The following ANKRD31 variants were observed in gnomAD, a reference collection of about 807,000 sequenced individuals.
The protein encoded by ANKRD31 is ankyrin repeat domain 31.
A neutral mutation model predicts 186.0 loss-of-function variants in ANKRD31; 147 were observed. The ratio of observed to expected loss-of-function variants is 0.79; its 90% CI spans 0.69 to 0.91. ANKRD31 has a LOEUF of 0.91. ANKRD31 is among the 40% of genes least tolerant of loss of function. ANKRD31 has a pLI of 0.00. For synonymous variants in ANKRD31, 673 were observed against 736.4 expected, an observed-to-expected ratio of 0.91 and a Z score of 1.39; for missense variants, 1,986 against 2,148.8, an observed-to-expected ratio of 0.92 and a Z score of 1.50.
chr5:75,166,343 T>C (rs1303809839), intron 11 of ANKRD31, among the ~76,000 whole-genome samples: 1 of 152,014 alleles, frequency 6.6e-6, no homozygotes. Flanking sequence ...TGGTGATACA[T>C]GCCTGCAATC....
chr5:75,185,387 G>C (rs1179050885), intron 10 of ANKRD31, among the ~76,000 whole-genome samples: 3 of 152,108 alleles, frequency 2.0e-5, no homozygotes, highest in Non-Finnish European at 1.5e-5. Context: ...GTGAAACCCT[G>C]TCTCTACTAA....
At chr5:75,105,323 T>A (rs1212997178) in intron 21 of ANKRD31, 105 bp from the exon 22 acceptor site, 3 of 1,233,488 alleles carry the variant, frequency 2.4e-6, no homozygotes, top group Non-Finnish European at 3.2e-6. Flanking sequence ...TTAATCACTT[T>A]AAAATACACA....
At chr5:75,200,403 T>C (rs569908884) in intron 5 of ANKRD31, among the ~76,000 whole-genome samples, 147 of 151,866 alleles carry the variant, frequency 9.7e-4, no homozygotes, top group Non-Finnish European at 1.6e-3. Flanking sequence ...GTTCAAGTGA[T>C]TCTCCTGCCT....
chr5:75,147,133 T>G lies in ANKRD31; in HGVS notation c.2278A>C (p.Asn760His). 4 of 1,536,362 alleles carry G rather than the reference T, an allele frequency of 2.6e-6. No homozygotes were observed. The highest frequency in any genetic ancestry group is 3.5e-6 in the Non-Finnish European group (4 of 1,146,334). ...ILAVSPSRRI[N>H]RLVTYQQHIP... is the part of the protein sequence containing the mutation. The stretch of plus-strand genomic sequence containing the variant: ...TGCTGCTGATAGGTAACCAATCTGT[T>G]TATTCTCCTGGAAGGAGAGACAGCT... The change falls in exon 14 of 26, where the codon AAC becomes CAC. Residue 760 changes from asparagine (N) to histidine (H), a missense_variant. Physicochemically the swap from Asn to His is moderately conservative, Grantham distance 68. Coordinates refer to ENST00000506364, the MANE Select transcript of ANKRD31 (RefSeq NM_001372053.1).
intron 10 of ANKRD31, among the ~76,000 whole-genome samples, chr5:75,184,618 C>G (rs1409222345): frequency 6.6e-6 from 1 of 152,000 alleles, no homozygotes; most frequent in African/African-American, 2.4e-5. Flanking sequence ...AAAAAAAGTG[C>G]TCAACATCAC....
At chr5:75,132,448 G>A (rs938218765) in intron 17 of ANKRD31, among the ~76,000 whole-genome samples, 3 of 152,110 alleles carry the variant, frequency 2.0e-5, no homozygotes, top group Non-Finnish European at 2.9e-5. Flanking sequence ...GAACTGAAGC[G>A]AGAAGAGAAG....
Position 75,188,477 on chromosome 5 carries a change from G to A in ANKRD31, c.1564+16C>T, listed in dbSNP as rs778414488. On this transcript the variant is annotated intron_variant, in intron 10 of 25. Transcript: ENST00000506364. The stretch of plus-strand genomic sequence containing the variant: ...AACCACTCTTAAGGTAACTGTGGGT[G>A]GTAATCCTAACTTACCAGCATAACT... 35 of 1,529,896 alleles carry A rather than the reference G, an allele frequency of 2.3e-5. No individual in the cohort carries two copies. The highest frequency in any genetic ancestry group is 3.1e-5 in the Non-Finnish European group (35 of 1,143,688). 94.8% of individuals were successfully genotyped at this position (1,529,896 alleles called of 1,614,324 possible). A position where few individuals can be genotyped will look rare whatever the true frequency, so the allele number is the denominator to read the frequency against.
chr5:75,167,348 G>A (rs998805640), intron 11 of ANKRD31, among the ~76,000 whole-genome samples: 1 of 152,210 alleles, frequency 6.6e-6, no homozygotes, highest in Non-Finnish European at 1.5e-5. Flanking sequence ...GGTTCCCAAG[G>A]CTTCCCTGTT....
intron 10 of ANKRD31, among the ~76,000 whole-genome samples, chr5:75,171,267 G>A (rs774193356): frequency 2.0e-5 from 3 of 151,988 alleles, no homozygotes; most frequent in Non-Finnish European, 2.9e-5. Context: ...CATGTAAAAT[G>A]TATCCTTTAT....
chr5:75,091,335 T>C lies in ANKRD31; in HGVS notation c.5398A>G (p.Lys1800Glu). 6.5e-7 allele frequency: 1 copy of C among 1,537,190 alleles called. No homozygotes were observed. The highest frequency in any genetic ancestry group is 8.7e-7 in the Non-Finnish European group (1 of 1,146,884). The change falls in exon 23 of 26, where the codon AAA becomes GAA. Residue 1800 changes from lysine (K) to glutamate (E), a missense_variant. Lys to Glu is a moderately conservative substitution (Grantham distance 56, BLOSUM62 1). Transcript: ENST00000506364. ...TCCTTGAGCCAGGTGACTGGGTTTT[T>C]ATAAATCTGACCACTTTCTACCTTA... is the stretch of plus-strand genomic sequence containing the variant. ...KLKVESGQIY[K>E]NPVTWLKDLL...
At chr5:75,138,821 G>A in intron 16 of ANKRD31, 25 bp downstream of exon 16, 3 of 1,531,212 alleles carry the variant, frequency 2.0e-6, no homozygotes, top group Non-Finnish European at 2.6e-6. Flanking sequence ...AATTATAAAG[G>A]TAATTAAATT....
chr5:75,173,034 C>T (rs965395086), intron 10 of ANKRD31, among the ~76,000 whole-genome samples: 5 of 152,178 alleles, frequency 3.3e-5, no homozygotes, highest in African/African-American at 1.2e-4. Context: ...AAAAGCTTAT[C>T]CACCATGATC....
chr5:75,188,627 A>G lies in ANKRD31; in HGVS notation c.1430T>C (p.Ile477Thr), dbSNP rs1347573177. The G allele has an allele frequency of 6.5e-7, 1 of 1,530,026 alleles. No homozygotes were observed. Among genetic ancestry groups the G allele is most frequent in the East Asian group, 2.5e-5 (1 of 40,762 alleles). 94.8% of individuals were successfully genotyped at this position (1,530,026 alleles called of 1,614,324 possible). A position where few individuals can be genotyped will look rare whatever the true frequency, so the allele number is the denominator to read the frequency against. Residue 477 changes from isoleucine to threonine, a missense_variant, in exon 10 of 26, where the codon ATA becomes ACA. Physicochemically the swap from Ile to Thr is moderately conservative, Grantham distance 89. Coordinates refer to ENST00000506364, the MANE Select transcript of ANKRD31 (RefSeq NM_001372053.1). ...TCTCCGGTTAATGCTATGAAGAGATATTTTGTTCACCTTCATTTTTTCTGA... is the reference window on the plus strand; with the variant it reads ...TCTCCGGTTAATGCTATGAAGAGATGTTTTGTTCACCTTCATTTTTTCTGA... ...GKKEKMKVNK[I>T]SLHSINRRNI...
Position 75,147,267 on chromosome 5 carries a change from T to C in ANKRD31, c.2144A>G (p.His715Arg), listed in dbSNP as rs569073393. 7.4e-5 allele frequency: 114 copies of C among 1,536,186 alleles called. No individual in the cohort carries two copies. In the South Asian group the frequency reaches 8.7e-4, roughly 12 times the overall value. ...YSTGLRKGNL[H>R]NVKDPNTNVP... is the part of the protein sequence containing the mutation. The stretch of plus-strand genomic sequence containing the variant: ...GTTTGTGTTGGGATCTTTGACGTTA[T>C]GGAGATTGCCCTTTCTGAGTCCTGT... The change falls in exon 14 of 26, where the codon CAT becomes CGT. Residue 715 changes from histidine to arginine, a missense_variant. Physicochemically the swap from His to Arg is conservative, Grantham distance 29 (BLOSUM62 0). Transcript: ENST00000506364.
rs1477471868 is a variant in ANKRD31, at chr5:75,195,774, C to T, written c.874G>A (p.Ala292Thr). 9 of 1,537,322 alleles carry T rather than the reference C, an allele frequency of 5.9e-6. No homozygotes were observed. In the African/African-American group the frequency reaches 8.2e-5, roughly 14 times the overall value. Reference protein sequence around the residue: ...DDALPAELLEALNTLSEAKVE... With the variant: ...DDALPAELLETLNTLSEAKVE... ...TTGGCTTCTGACAATGTGTTCAGGG[C>T]TTCCAATAACTCAGCTGGCAATGCA... The change falls in exon 7 of 26, where the codon GCC becomes ACC. Residue 292 changes from alanine (A) to threonine (T), a missense_variant. Physicochemically the swap from Ala to Thr is moderately conservative, Grantham distance 58. Transcript: ENST00000506364.
At chr5:75,132,179 G>A (rs1484982721) in intron 17 of ANKRD31, among the ~76,000 whole-genome samples, 1 of 152,236 alleles carries the variant, frequency 6.6e-6, no homozygotes, top group African/African-American at 2.4e-5. Context: ...GACGAGTTGA[G>A]GGAAGAAGGC....
At chr5:75,102,638 C>T (rs1354303410) in intron 22 of ANKRD31, among the ~76,000 whole-genome samples, 2 of 152,244 alleles carry the variant, frequency 1.3e-5, no homozygotes, top group African/African-American at 4.8e-5. Context: ...ATGGCGGACG[C>T]CACTCCCTCA....
intron 20 of ANKRD31, among the ~76,000 whole-genome samples, chr5:75,110,710 A>AC (rs1747710002): frequency 1.3e-5 from 2 of 150,650 alleles, no homozygotes; most frequent in African/African-American, 2.4e-5. Context: ...TCCATCTCAA[A>AC]AAAAAAAGCA....
chr5:75,168,591 G>A (rs1000008976), intron 11 of ANKRD31, among the ~76,000 whole-genome samples: 1 of 152,048 alleles, frequency 6.6e-6, no homozygotes, highest in African/African-American at 2.4e-5. Context: ...GCCTCAGGCT[G>A]ATTATGAAAG....
Sources: allele counts gnomAD v4.1 joint callset (sites outside exome capture counted in the v4.1 genomes callset), GRCh38; gene constraint gnomAD v4.1.1; transcripts MANE v1.5; gene names NCBI Gene and HGNC (gene_info 2026-07-23, HGNC 2026-07-21).